Variants in HK2 observed in about 807,000 individuals in gnomAD.
The protein encoded by HK2 is hexokinase 2.
HK2 carries 42 observed loss-of-function variants against 92.9 expected under a neutral mutation model. That is an observed-to-expected ratio of 0.45 (90% CI 0.35 to 0.58). The LOEUF (loss-of-function observed/expected upper bound fraction) is 0.58, where lower values mean the gene tolerates loss of function less well. HK2 is among the 20% of genes least tolerant of loss of function. HK2 has a pLI of 0.00. For synonymous variants in HK2, 422 were observed against 468.0 expected (o/e 0.90, Z 1.27); for missense variants, 978 against 1,245.1 (o/e 0.79, Z 3.23).
At chr2:74,852,265 A>G (rs935874788) in intron 1 of HK2, among the ~76,000 whole-genome samples, 1 of 152,200 alleles carries the variant, frequency 6.6e-6, no homozygotes, top group African/African-American at 2.4e-5. Flanking sequence ...CAGACTTTGC[A>G]CATTAGCCCT....
chr2:74,885,138 G>A (rs1450143108), intron 12 of HK2, among the ~76,000 whole-genome samples: 1 of 152,162 alleles, frequency 6.6e-6, no homozygotes, highest in Non-Finnish European at 1.5e-5. Context: ...GGGGTCGGAG[G>A]GCCTCGGAGT....
rs1573387294 is a variant in HK2, at chr2:74,880,694, A to G, written c.1570+125A>G. The G allele has an allele frequency of 4.1e-6, 4 of 965,076 alleles. No individual in the cohort carries two copies. In the East Asian group the frequency reaches 7.9e-5, roughly 19 times the overall value. 59.8% of individuals were successfully genotyped at this position (965,076 alleles called of 1,614,324 possible). On this transcript the variant is annotated intron_variant, in intron 10 of 17. Transcript: ENST00000290573. ...CAGAACACGTTTCTTCAGCCGTATT[A>G]CTAGGGAGTTCTAGTCTTTGATAAA...
At chr2:74,838,001 C>G (rs1688209300) in intron 1 of HK2, among the ~76,000 whole-genome samples, 1 of 152,138 alleles carries the variant, frequency 6.6e-6, no homozygotes, top group Admixed American at 6.5e-5. Context: ...TGGCCCTGAA[C>G]TCTGCTTGGC....
rs376288988 is a variant in HK2, at chr2:74,859,408, C to T, written c.226+4953C>T. On this transcript the variant is annotated intron_variant, in intron 2 of 17. Transcript: ENST00000290573. ...TCTGATAAAAAAATAAATAGAAGGCCGGGCATGGTGTCTCATGCCTGCAAT... is the reference window on the plus strand; with the variant it reads ...TCTGATAAAAAAATAAATAGAAGGCTGGGCATGGTGTCTCATGCCTGCAAT... Among the ~76,000 whole-genome samples the T allele has an allele frequency of 6.6e-5, 10 of 152,000 alleles. No individual in the cohort carries two copies. The East Asian group carries it at 9.7e-4, about 15-fold the overall frequency.
intron 3 of HK2, among the ~76,000 whole-genome samples, chr2:74,871,001 C>G (rs1689084528): frequency 6.6e-6 from 1 of 152,172 alleles, no homozygotes; most frequent in Admixed American, 6.5e-5. Flanking sequence ...ATCAGGAGAT[C>G]CAACAGGTCT....
chr2:74,874,231 G>A, intron 6 of HK2, 35 bp from the exon 7 acceptor site: 2 of 1,613,314 alleles, frequency 1.2e-6, no homozygotes, highest in African/African-American at 1.3e-5. Flanking sequence ...AGGGGCCGGA[G>A]CAGGCGTGTG....
intron 2 of HK2, among the ~76,000 whole-genome samples, chr2:74,864,514 G>GTTTTT (rs34286902): frequency 6.7e-6 from 1 of 149,756 alleles, no homozygotes; most frequent in Non-Finnish European, 1.5e-5. Flanking sequence ...TCATTTGTTT[G>GTTTTT]TTTTTTTTTT....
Position 74,878,843 on chromosome 2 carries a change from G to C in HK2, c.1187G>C (p.Arg396Pro), listed in dbSNP as rs575135251. 6.4e-7 allele frequency: 1 copy of C among 1,555,184 alleles called. No individual in the cohort carries two copies. The highest frequency in any genetic ancestry group is 8.7e-7 in the Non-Finnish European group (1 of 1,148,912). Residue 396 changes from arginine (R) to proline (P), a missense_variant, in exon 9 of 18, where the codon CGC becomes CCC. Transcript: ENST00000290573. ...GCCACCCTGGCCGCCGTGCTGCAGC[G>C]CATCAAGGAGAACAAAGGCGAGGAG... is the stretch of plus-strand genomic sequence containing the variant. ...CAATLAAVLQ[R>P]IKENKGEERL... is the part of the protein sequence containing the mutation.
At chr2:74,841,412 A>C (rs1234933936) in intron 1 of HK2, among the ~76,000 whole-genome samples, 1 of 152,108 alleles carries the variant, frequency 6.6e-6, no homozygotes, top group Non-Finnish European at 1.5e-5. Context: ...TACCTGGCCC[A>C]AAATGTCTAC....
Position 74,882,229 on chromosome 2 carries a change from G to C in HK2, c.1829G>C (p.Ser610Thr). Residue 610 changes from serine (S) to threonine (T), a missense_variant, in exon 12 of 18, where the codon AGC becomes ACC. Coordinates refer to ENST00000290573, the MANE Select transcript of HK2 (RefSeq NM_000189.5). ...FTFSFPCQQN[S>T]LDESILLKWT... ...TTCTCCTTCCCCTGCCAGCAGAACAGCCTGGACGAGGTAACAGCACCTTCC... is the reference window on the plus strand; with the variant it reads ...TTCTCCTTCCCCTGCCAGCAGAACACCCTGGACGAGGTAACAGCACCTTCC... The C allele has an allele frequency of 1.9e-6, 3 of 1,614,052 alleles. No individual in the cohort carries two copies. The highest frequency in any genetic ancestry group is 2.5e-6 in the Non-Finnish European group (3 of 1,179,948).
At position 74,891,008 on chromosome 2, in the gene HK2, A is replaced by C; in HGVS notation, c.*67A>C. 2.5e-4 allele frequency: 387 copies of C among 1,565,604 alleles called. No individual in the cohort carries two copies. Among genetic ancestry groups the C allele is most frequent in the Non-Finnish European group, 3.0e-4 (346 of 1,153,098 alleles). ...TCCCTGTTTTAAATTATAAGATGTC[A>C]TCCCCTTGTGTCAGAGACAGACCCC... On this transcript the variant is annotated 3_prime_UTR_variant, in exon 18 of 18. Transcript: ENST00000290573.
In HK2 at chr2:74,878,888, G is replaced by T. The variant is rs757491910; in HGVS notation, c.1232G>T (p.Gly411Val). The change falls in exon 9 of 18, where the codon GGG becomes GTG. Residue 411 changes from glycine (G) to valine (V), a missense_variant. By Grantham distance (109) the Gly-to-Val change is moderately radical. Around this residue, in one of 3 missense-constraint regions of HK2, gnomAD observed 742 missense variants for 922.5 expected, o/e 0.80. Coordinates refer to ENST00000290573, the MANE Select transcript of HK2 (RefSeq NM_000189.5). ...KGEERLRSTI[G>V]VDGSVYKKHP... ...GAGGAGCGGCTGCGCTCTACTATTGGGGTCGACGGTTCCGTCTACAAGAAA... is the reference window on the plus strand; with the variant it reads ...GAGGAGCGGCTGCGCTCTACTATTGTGGTCGACGGTTCCGTCTACAAGAAA... 6.4e-7 allele frequency: 1 copy of T among 1,551,638 alleles called. No individual in the cohort carries two copies. The highest frequency in any genetic ancestry group is 8.7e-7 in the Non-Finnish European group (1 of 1,147,104).
chr2:74,842,722 G>C (rs1042090958), intron 1 of HK2, among the ~76,000 whole-genome samples: 2 of 152,224 alleles, frequency 1.3e-5, no homozygotes, highest in African/African-American at 4.8e-5. Flanking sequence ...TTTCCTGGGC[G>C]TAGGAGATCC....
intron 2 of HK2, among the ~76,000 whole-genome samples, chr2:74,854,876 G>A (rs1042275159): frequency 1.3e-5 from 2 of 152,208 alleles, no homozygotes; most frequent in Non-Finnish European, 2.9e-5. Context: ...GACGCCGGAC[G>A]CCGTGTAGGC....
intron 3 of HK2, 149 bp downstream of exon 3, chr2:74,867,933 A>G (rs754923889): frequency 5.7e-6 from 5 of 875,052 alleles, no homozygotes; most frequent in Non-Finnish European, 9.6e-6. Flanking sequence ...GCTCCCTCTC[A>G]GCCGGAGCTC....
intron 2 of HK2, among the ~76,000 whole-genome samples, chr2:74,864,171 C>T (rs2103923124): frequency 6.6e-6 from 1 of 152,314 alleles, no homozygotes; most frequent in Non-Finnish European, 1.5e-5. Flanking sequence ...TGTGCTATCC[C>T]AGCCCTCCAC....
chr2:74,863,919 C>T (rs931311173), intron 2 of HK2, among the ~76,000 whole-genome samples: 10 of 152,200 alleles, frequency 6.6e-5, no homozygotes, highest in African/African-American at 9.7e-5. Context: ...TCCAAGTTTA[C>T]GGCTGCATGC....
chr2:74,851,997 G>A (rs1688582164), intron 1 of HK2, among the ~76,000 whole-genome samples: 1 of 152,210 alleles, frequency 6.6e-6, no homozygotes, highest in Non-Finnish European at 1.5e-5. Flanking sequence ...GCACAGACCA[G>A]CCAAACTTCT....
At chr2:74,873,113 TC>T (rs1167046940) in intron 4 of HK2, among the ~76,000 whole-genome samples, 162 bp from the exon 5 acceptor site, 1 of 152,242 alleles carries the variant, frequency 6.6e-6, no homozygotes, top group Non-Finnish European at 1.5e-5. Flanking sequence ...GTGCCAGTTG[TC>T]CTGAGTTTCT....
Sources: allele counts gnomAD v4.1 joint callset (sites outside exome capture counted in the v4.1 genomes callset), GRCh38; gene constraint gnomAD v4.1.1; regional missense constraint gnomAD v4.1.1; transcripts MANE v1.5; gene names NCBI Gene and HGNC (gene_info 2026-07-23, HGNC 2026-07-21).